The following MAP4 variants were observed in gnomAD, a reference collection of about 807,000 sequenced individuals.
MAP4 encodes microtubule associated protein 4, also known as microtubule-associated protein 4.
A neutral mutation model predicts 170.2 loss-of-function variants in MAP4; 76 were observed. The observed-to-expected ratio is 0.45, with a 90% CI of 0.37 to 0.54. MAP4 has a LOEUF of 0.54. Ranked by LOEUF, MAP4 falls within the 20% of genes least tolerant of loss-of-function variation. The pLI, the probability that MAP4 is intolerant of heterozygous loss-of-function variation, is 0.00. For missense variants in MAP4, 2,506 were observed against 2,748.0 expected, an observed-to-expected ratio of 0.91 and a Z score of 1.97; for synonymous variants, 909 against 994.5, an observed-to-expected ratio of 0.91 and a Z score of 1.62.
chr3:48,064,386 C>T (rs1029388289), intron 1 of MAP4, among the ~76,000 whole-genome samples: 2 of 152,136 alleles, frequency 1.3e-5, no homozygotes, highest in African/African-American at 4.8e-5. Flanking sequence ...ACAGCTTCAA[C>T]TACCTATGAT....
At chr3:47,967,781 G>A (rs73087139) in intron 3 of MAP4, among the ~76,000 whole-genome samples, 2,967 of 152,288 alleles carry the variant, frequency 0.019, 39 homozygotes, top group Non-Finnish European at 0.029. Context: ...GTGCAAAAAA[G>A]CAAGACCCTG....
chr3:48,007,625 T>G (rs560573090), intron 1 of MAP4, among the ~76,000 whole-genome samples: 3 of 151,848 alleles, frequency 2.0e-5, no homozygotes, highest in Middle Eastern at 3.4e-3. Flanking sequence ...CAATGGAGAC[T>G]TCTAGGATTT....
At chr3:47,942,777 A>C (rs2100057308) in intron 3 of MAP4, among the ~76,000 whole-genome samples, 1 of 152,208 alleles carries the variant, frequency 6.6e-6, no homozygotes, top group South Asian at 2.1e-4. Context: ...ATCTGGAAAA[A>C]TGTATAAAGT....
intron 3 of MAP4, among the ~76,000 whole-genome samples, chr3:47,957,152 C>T (rs1250570690): frequency 6.6e-6 from 1 of 152,162 alleles, no homozygotes; most frequent in Non-Finnish European, 1.5e-5. Context: ...ACCACCATGA[C>T]ATTCCACACA....
rs867519686 is a variant in MAP4 at position 47,880,435 on chromosome 3, C to G, written c.5435-2912G>C. On this transcript the variant is annotated intron_variant, in intron 10 of 20. Transcript: ENST00000683076. ...CAATTACTTTTGATTATTGCACTAA[C>G]CTTGTATACCTGAAATAATTCCAAT... Among the ~76,000 whole-genome samples, 12 of 149,050 alleles carry G rather than the reference C, an allele frequency of 8.1e-5. No individual in the cohort carries two copies. The Middle Eastern group carries it at 0.017, about 213-fold the overall frequency.
At position 47,868,077 on chromosome 3, in the gene MAP4, C is replaced by T. The variant is rs539009216; in HGVS notation, c.6409-739G>A. On this transcript the variant is annotated intron_variant, in intron 16 of 20. Coordinates refer to ENST00000683076, the MANE Select transcript of MAP4 (RefSeq NM_001385682.1). ...TCCTCTGCCCTGTGAGATGCCCATG[C>T]GGAAAGAACAGGCTCTAAGCAGGGC... 5.9e-5 allele frequency among the ~76,000 whole-genome samples: 9 copies of T among 152,240 alleles called. No individual in the cohort carries two copies. The South Asian group carries it at 1.0e-3, about 18-fold the overall frequency.
intron 4 of MAP4, among the ~76,000 whole-genome samples, chr3:47,927,973 T>C (rs2100047023): frequency 6.6e-6 from 1 of 152,240 alleles, no homozygotes; most frequent in Non-Finnish European, 1.5e-5. Context: ...TAAGGTACTA[T>C]GGATCCTCTA....
chr3:48,078,864 C>G (rs1312016232), intron 1 of MAP4, among the ~76,000 whole-genome samples: 1 of 152,098 alleles, frequency 6.6e-6, no homozygotes, highest in Non-Finnish European at 1.5e-5. Context: ...GCTGAGCATC[C>G]CAAATCCAAA....
At chr3:47,986,780 A>G (rs1255341674) in intron 2 of MAP4, among the ~76,000 whole-genome samples, 1 of 152,202 alleles carries the variant, frequency 6.6e-6, no homozygotes, top group African/African-American at 2.4e-5. Context: ...CTATTTTTGC[A>G]AAAATGTCAC....
In MAP4 at chr3:47,978,771, T is replaced by C. The variant is rs114231232; in HGVS notation, c.224-838A>G. On this transcript the variant is annotated intron_variant, in intron 2 of 20. Coordinates refer to ENST00000683076, the MANE Select transcript of MAP4 (RefSeq NM_001385682.1). ...CTCTTTTTTTTTTTTTTAAGGAAAT[T>C]AGTTGTATCTTATTCCCTAATGACT... 2.4e-3 allele frequency among the ~76,000 whole-genome samples: 366 copies of C among 151,066 alleles called. 1 individual carries two copies. The highest frequency in any genetic ancestry group is 8.4e-3 in the African/African-American group (347 of 41,176).
At chr3:48,073,252 TACACACACACACACACACACACAC>T (rs35163339) in intron 1 of MAP4, among the ~76,000 whole-genome samples, 32 of 134,584 alleles carry the variant, frequency 2.4e-4, no homozygotes, top group African/African-American at 5.4e-4. Context: ...TCCAAAGGAA[TACACACACACACACACACACACAC>T]ACACACACAC....
intron 10 of MAP4, among the ~76,000 whole-genome samples, chr3:47,888,728 A>C (rs1009157151): frequency 6.6e-6 from 1 of 152,258 alleles, no homozygotes; most frequent in Admixed American, 6.5e-5. Flanking sequence ...GGGACATTTG[A>C]AGCTTAGCAA....
intron 10 of MAP4, among the ~76,000 whole-genome samples, chr3:47,901,762 A>C (rs2153354178): frequency 6.6e-6 from 1 of 152,234 alleles, no homozygotes; most frequent in East Asian, 1.9e-4. Context: ...ATCAAAACTA[A>C]GTTTTTATTT....
intron 3 of MAP4, among the ~76,000 whole-genome samples, chr3:47,965,055 G>A (rs2100074046): frequency 6.6e-6 from 1 of 152,056 alleles, no homozygotes; most frequent in Admixed American, 6.6e-5. Flanking sequence ...ATTCTACTTT[G>A]TTTCTGTAAA....
chr3:48,063,374 A>G (rs1475078044), intron 1 of MAP4, among the ~76,000 whole-genome samples: 1 of 151,654 alleles, frequency 6.6e-6, no homozygotes, highest in Non-Finnish European at 1.5e-5. Flanking sequence ...AGATGAGTCT[A>G]GCCTGAACAA....
At position 47,891,468 on chromosome 3, in the gene MAP4, T is replaced by G. The variant is rs1420430308; in HGVS notation, c.5434+11482A>C. ...GCTCCCAGTTTCCCAGGTGTAGGAC[T>G]AGGCATTGGGCTACTAGGGGGAGGC... On this transcript the variant is annotated intron_variant, in intron 10 of 20. Coordinates refer to ENST00000683076, the MANE Select transcript of MAP4 (RefSeq NM_001385682.1). 6.6e-6 allele frequency: 10 copies of G among 1,524,802 alleles called. No individual in the cohort carries two copies. In the South Asian group the frequency reaches 7.3e-5, roughly 11 times the overall value. The allele number at this position is 1,524,802 out of a possible 1,614,324, so 94.5% of individuals were successfully genotyped here. A position where few individuals can be genotyped will look rare whatever the true frequency, so the allele number is the denominator to read the frequency against.
At chr3:47,922,469 C>T (rs1488168084) in intron 4 of MAP4, among the ~76,000 whole-genome samples, 1 of 151,932 alleles carries the variant, frequency 6.6e-6, no homozygotes, top group African/African-American at 2.4e-5. Flanking sequence ...ATAACAAACA[C>T]TCTGAGAGGT....
chr3:48,008,835 G>A (rs2100103782), intron 1 of MAP4, among the ~76,000 whole-genome samples: 1 of 152,140 alleles, frequency 6.6e-6, no homozygotes, highest in Non-Finnish European at 1.5e-5. Context: ...CACTCACCAA[G>A]GCTGACCTGG....
At chr3:47,884,652 G>A (rs2097277364) in intron 10 of MAP4, among the ~76,000 whole-genome samples, 1 of 152,138 alleles carries the variant, frequency 6.6e-6, no homozygotes. Flanking sequence ...TCAGCACATA[G>A]GGGCTGAGTG....
Sources: gnomAD v4.1 joint callset for allele counts (sites outside exome capture counted in the v4.1 genomes callset) on GRCh38, gnomAD v4.1.1 for gene constraint, MANE v1.5 for transcripts, NCBI Gene and HGNC (gene_info 2026-07-23, HGNC 2026-07-21) for gene names.